Variants in HRH1 observed in about 807,000 individuals in gnomAD.
HRH1 encodes histamine H1 receptor.
A neutral mutation model predicts 10.3 loss-of-function variants in HRH1; 6 were observed. That is an observed-to-expected ratio of 0.58 (90% confidence interval 0.32 to 1.15). The LOEUF is 1.15. HRH1 is among the 50% of genes most tolerant of loss of function. The pLI, the probability that HRH1 is intolerant of heterozygous loss-of-function variation, is 0.05. For synonymous variants in HRH1, 242 were observed against 236.7 expected (o/e 1.02, Z -0.21); for missense variants, 514 against 615.3 (o/e 0.84, Z 1.74).
chr3:11,252,646 T>G (rs1347848336), intron 1 of HRH1: 1 of 152,216 alleles, frequency 6.6e-6, no homozygotes, highest in Non-Finnish European at 1.5e-5. Context: ...ATCTGATTAA[T>G]AGCTCTAAGG....
At chr3:11,199,933 T>C (rs1188506651) in intron 1 of HRH1, among the ~76,000 whole-genome samples, 1 of 152,174 alleles carries the variant, frequency 6.6e-6, no homozygotes. Flanking sequence ...GTGACCCCAT[T>C]CTCAGCTCAG....
chr3:11,219,153 T>A (rs927358525), intron 1 of HRH1, among the ~76,000 whole-genome samples: 1 of 152,158 alleles, frequency 6.6e-6, no homozygotes, highest in Middle Eastern at 3.2e-3. Context: ...CCTCTTAAAG[T>A]GCTGGGATTA....
chr3:11,148,975 C>T (rs968965622), intron 1 of HRH1, among the ~76,000 whole-genome samples: 2 of 152,124 alleles, frequency 1.3e-5, no homozygotes, highest in African/African-American at 4.8e-5. Context: ...TCCTCTTCAT[C>T]CTCATATCCC....
At chr3:11,170,269 A>G (rs1238009145) in intron 1 of HRH1, among the ~76,000 whole-genome samples, 1 of 152,252 alleles carries the variant, frequency 6.6e-6, no homozygotes, top group Non-Finnish European at 1.5e-5. Context: ...AAACTCAGGA[A>G]CAAAGAAGGA....
chr3:11,223,133 C>T (rs541020491), intron 1 of HRH1, among the ~76,000 whole-genome samples: 1,640 of 126,978 alleles, frequency 0.013, 20 homozygotes, highest in Non-Finnish European at 0.018. Flanking sequence ...TGCAGTGAGT[C>T]GAGATCGCAC....
At chr3:11,137,987 T>C (rs971629791) in intron 1 of HRH1, among the ~76,000 whole-genome samples, 4 of 151,982 alleles carry the variant, frequency 2.6e-5, no homozygotes, top group African/African-American at 9.7e-5. Flanking sequence ...ATAGTACACC[T>C]GATACAGGTG....
intron 1 of HRH1, among the ~76,000 whole-genome samples, chr3:11,199,155 G>A (rs1204546347): frequency 6.6e-6 from 1 of 152,004 alleles, no homozygotes; most frequent in Non-Finnish European, 1.5e-5. Context: ...CCTGGAGGCT[G>A]GTCTTGAACT....
At chr3:11,241,729 C>G (rs181775010) in intron 1 of HRH1, among the ~76,000 whole-genome samples, 6 of 151,624 alleles carry the variant, frequency 4.0e-5, no homozygotes, top group African/African-American at 1.5e-4. Context: ...CCAGCTACTC[C>G]GGAGGCTGAG....
chr3:11,228,703 G>C (rs568126622), intron 1 of HRH1, among the ~76,000 whole-genome samples: 1 of 152,166 alleles, frequency 6.6e-6, no homozygotes, highest in Admixed American at 6.5e-5. Flanking sequence ...GATCACCTGA[G>C]GAGTTTGAGA....
upstream of HRH1, among the ~76,000 whole-genome samples, chr3:11,154,321 C>T (rs1405902695): frequency 1.3e-5 from 2 of 151,762 alleles, no homozygotes; most frequent in Non-Finnish European, 2.9e-5. The surrounding 1 kb of genome is among the most constrained non-coding windows in gnomAD (Gnocchi z 4.4). Flanking sequence ...CGCGCCCCCT[C>T]TCTCCGCGGG....
In HRH1 at chr3:11,260,784, AAGAG is replaced by A. The variant is rs141806016; in HGVS notation, c.*291_*294del. On this transcript the variant is annotated 3_prime_UTR_variant, in exon 2 of 2. Transcript: ENST00000431010. ...AAAAAGAAAAAAATAATAAAAATAA[AAGAG>A]AGAGAGAATCAGACCTGGGTGGAAC... 9 of 358,384 alleles carry A rather than the reference AAGAG, an allele frequency of 2.5e-5. No individual in the cohort carries two copies. Among genetic ancestry groups the A allele is most frequent in the African/African-American group, 1.7e-4 (8 of 47,388 alleles). The allele number at this position is 358,384 out of a possible 1,614,324, so 22.2% of individuals were successfully genotyped here. A position where few individuals can be genotyped will look rare whatever the true frequency, so the allele number is the denominator to read the frequency against.
chr3:11,212,458 G>A (rs1318591657), intron 1 of HRH1, among the ~76,000 whole-genome samples: 1 of 152,126 alleles, frequency 6.6e-6, no homozygotes, highest in Non-Finnish European at 1.5e-5. Context: ...TCTGGGGCAG[G>A]CCTGGAAAAT....
At chr3:11,190,818 AGTCGCTCT>A (rs1259959737) in intron 1 of HRH1, among the ~76,000 whole-genome samples, 2 of 152,166 alleles carry the variant, frequency 1.3e-5, no homozygotes, top group Non-Finnish European at 2.9e-5. Context: ...TTGAGCAGCC[AGTCGCTCT>A]GAAATTGTGG....
intron 1 of HRH1, among the ~76,000 whole-genome samples, chr3:11,233,153 G>A (rs1267837935): frequency 2.6e-5 from 4 of 152,014 alleles, no homozygotes; most frequent in African/African-American, 9.7e-5. Flanking sequence ...GCCAAATTTG[G>A]GACATTTTCA....
At chr3:11,210,642 A>G (rs1938296437) in intron 1 of HRH1, among the ~76,000 whole-genome samples, 1 of 151,870 alleles carries the variant, frequency 6.6e-6, no homozygotes. Flanking sequence ...AAAATACAAA[A>G]ATTAGTCAGG....
chr3:11,230,122 G>A (rs9942081), intron 1 of HRH1, among the ~76,000 whole-genome samples: 54 of 152,120 alleles, frequency 3.5e-4, no homozygotes, highest in African/African-American at 1.3e-3. Context: ...GGCCAGTGAC[G>A]GACAGGAGAC....
chr3:11,184,649 A>G (rs112854223), intron 1 of HRH1, among the ~76,000 whole-genome samples: 1,903 of 152,104 alleles, frequency 0.013, 40 homozygotes, highest in African/African-American at 0.044. Context: ...GGGCCCGATG[A>G]CTCGCACCTG....
intron 1 of HRH1, among the ~76,000 whole-genome samples, chr3:11,193,416 C>A (rs1328362785): frequency 1.3e-5 from 2 of 152,222 alleles, no homozygotes. Flanking sequence ...GCTGCTATAA[C>A]AAAGTATCAT....
chr3:11,139,541 A>C (rs1231851977), intron 1 of HRH1, among the ~76,000 whole-genome samples: 1 of 152,116 alleles, frequency 6.6e-6, no homozygotes, highest in Non-Finnish European at 1.5e-5. Context: ...CAGCCTCCCA[A>C]AGTGCTGGGA....
Sources: gnomAD v4.1 joint callset for allele counts (sites outside exome capture counted in the v4.1 genomes callset) on GRCh38, gnomAD v4.1.1 for gene constraint, Gnocchi (gnomAD v3.1) non-coding constraint, MANE v1.5 for transcripts, NCBI Gene and HGNC (gene_info 2026-07-23, HGNC 2026-07-21) for gene names.